BMP1: variants seen among roughly 807,000 people sequenced by gnomAD.
BMP1 encodes the protein bone morphogenetic protein 1.
BMP1 carries 63 observed loss-of-function variants against 116.8 expected under a neutral mutation model. That is an observed-to-expected ratio of 0.54 (90% CI 0.44 to 0.67). BMP1 has a LOEUF of 0.67. BMP1 is among the 30% of genes least tolerant of loss of function. The pLI is 0.00. For missense variants in BMP1, 1,183 were observed against 1,358.9 expected, an observed-to-expected ratio of 0.87 and a Z score of 2.04; for synonymous variants, 536 against 533.4, an observed-to-expected ratio of 1.00 and a Z score of -0.07.
At chr8:22,203,604 G>A in intron 16 of BMP1, among the ~76,000 whole-genome samples, 1 of 152,144 alleles carries the variant, frequency 6.6e-6, no homozygotes, top group East Asian at 1.9e-4. Flanking sequence ...AGGGTACTAA[G>A]CTTTATAGAC....
Position 22,196,750 on chromosome 8 carries a change from C to T in BMP1, c.1836C>T (p.Pro612=). The change falls in exon 14 of 20, where the codon CCC becomes CCT. Residue 612 remains proline, a synonymous_variant. Coordinates refer to ENST00000306385, the MANE Select transcript of BMP1 (RefSeq NM_006129.5). ...GCCCGGGCTGGCCCAAGGAGTACCC[C>T]CCCAACAAGAACTGCATCTGGCAGC... The part of the protein sequence containing the change: ...ITSPGWPKEY[P]PNKNCIWQLV... 1 of 1,614,074 alleles carries T rather than the reference C, an allele frequency of 6.2e-7. No homozygotes were observed.
chr8:22,190,469 G>A (rs1828899432), intron 8 of BMP1, among the ~76,000 whole-genome samples: 1 of 152,176 alleles, frequency 6.6e-6, no homozygotes, highest in Non-Finnish European at 1.5e-5. Context: ...CGGAAAGGCT[G>A]GAAACTGAAT....
chr8:22,183,690 T>C (rs1828688490), intron 8 of BMP1, among the ~76,000 whole-genome samples: 1 of 151,960 alleles, frequency 6.6e-6, no homozygotes, highest in Admixed American at 6.6e-5. Flanking sequence ...CACCGCAACC[T>C]CCTCAGCCTC....
chr8:22,201,967 CCTGCTG>C (rs1563275239), intron 16 of BMP1, 39 bp downstream of exon 16: 1 of 1,584,050 alleles, frequency 6.3e-7, no homozygotes, highest in African/African-American at 1.3e-5. Context: ...GCTTGAAGGA[CCTGCTG>C]CTGGGAGTGG....
chr8:22,172,063 A>AGT (rs376623861), intron 1 of BMP1, among the ~76,000 whole-genome samples: 4 of 152,024 alleles, frequency 2.6e-5, no homozygotes, highest in South Asian at 2.1e-4. Context: ...TGATGAAGTC[A>AGT]GTGTGTGTGT....
At chr8:22,196,971 C>A in intron 14 of BMP1, 131 bp downstream of exon 14, 1 of 1,297,658 alleles carries the variant, frequency 7.7e-7, no homozygotes, top group South Asian at 1.5e-5. Flanking sequence ...AGAGACTGCT[C>A]CCAGCTCACG....
At chr8:22,198,693 T>G in intron 15 of BMP1, 1 of 166,854 alleles carries the variant, frequency 6.0e-6, no homozygotes, top group Non-Finnish European at 1.3e-5. Flanking sequence ...TCGCCCAGGG[T>G]CCTGCATCCT....
intron 16 of BMP1, among the ~76,000 whole-genome samples, chr8:22,204,737 GCC>G (rs367545402): frequency 2.0e-4 from 11 of 55,414 alleles, no homozygotes; most frequent in Admixed American, 5.1e-4. Context: ...CACCCCGCCC[GCC>G]CCCGCAAAAA....
At chr8:22,171,198 C>G (rs1017791834) in intron 1 of BMP1, 2 of 152,226 alleles carry the variant, frequency 1.3e-5, no homozygotes, top group Non-Finnish European at 2.9e-5. Context: ...GATTTGGGGT[C>G]ACTTACTGGC....
intron 16 of BMP1, among the ~76,000 whole-genome samples, chr8:22,204,144 T>A (rs893679228): frequency 6.6e-6 from 1 of 151,988 alleles, no homozygotes; most frequent in Non-Finnish European, 1.5e-5. Flanking sequence ...GGGAGAGACA[T>A]GGGCGTGCAA....
chr8:22,169,639 G>A lies in BMP1; in HGVS notation c.149-3963G>A, dbSNP rs546191919. 1.1e-4 allele frequency: 16 copies of A among 152,374 alleles called. No homozygotes were observed. In the East Asian group the frequency reaches 2.1e-3, roughly 20 times the overall value. 9.4% of individuals were successfully genotyped at this position (152,374 alleles called of 1,614,324 possible). On this transcript the variant is annotated intron_variant, in intron 1 of 19. Coordinates refer to ENST00000306385, the MANE Select transcript of BMP1 (RefSeq NM_006129.5). ...CATCCACATGTTTGCAGGGGTTTGA[G>A]TGTGTCATCCCCCAGCTAGAAGCTT...
chr8:22,175,411 C>A (rs1004872753), intron 2 of BMP1, among the ~76,000 whole-genome samples: 2 of 152,086 alleles, frequency 1.3e-5, no homozygotes, highest in African/African-American at 4.8e-5. Context: ...TTCTCTTTTA[C>A]GATTATTGTC....
intron 1 of BMP1, among the ~76,000 whole-genome samples, chr8:22,166,516 T>C (rs1023951387): frequency 2.6e-5 from 4 of 152,210 alleles, no homozygotes; most frequent in African/African-American, 9.6e-5. Flanking sequence ...GGCAGGCTGT[T>C]TGGGGACACA....
intron 8 of BMP1, 78 bp downstream of exon 8, chr8:22,180,561 G>T (rs1003509283): frequency 4.5e-6 from 6 of 1,323,844 alleles, no homozygotes; most frequent in African/African-American, 1.5e-5. Context: ...CACAGTGGGG[G>T]TCAATATGGG....
intron 16 of BMP1, among the ~76,000 whole-genome samples, chr8:22,204,738 C>A (rs1239011471): frequency 1.3e-5 from 2 of 150,814 alleles, no homozygotes; most frequent in African/African-American, 4.9e-5. Context: ...ACCCCGCCCG[C>A]CCCCGCAAAA....
intron 1 of BMP1, chr8:22,169,541 C>T (rs1032150520): frequency 6.6e-6 from 1 of 152,276 alleles, no homozygotes; most frequent in Non-Finnish European, 1.5e-5. Flanking sequence ...CACCTGTGAT[C>T]GGTCTTCCTG....
intron 18 of BMP1, 152 bp from the exon 19 acceptor site, chr8:22,209,293 T>C (rs976321112): frequency 8.4e-6 from 11 of 1,303,674 alleles, no homozygotes; most frequent in Admixed American, 8.2e-5. Flanking sequence ...AGCACAGCAA[T>C]GTTCTGGGCC....
intron 8 of BMP1, among the ~76,000 whole-genome samples, chr8:22,187,248 C>T (rs1412085556): frequency 1.3e-5 from 2 of 152,034 alleles, no homozygotes; most frequent in Non-Finnish European, 2.9e-5. Context: ...GCCTGGGCCT[C>T]CCAAAGTGTT....
chr8:22,196,316 G>GC lies in BMP1; in HGVS notation c.1766-359dup, dbSNP rs144583702. ...CAGCTCACTAGGCCGATCCTGCTGT[G>GC]CCCCCGAGCTGCTCCCTTTCCTGCA... On this transcript the variant is annotated intron_variant, in intron 13 of 19. Transcript: ENST00000306385. 7.1e-4 allele frequency: 402 copies of GC among 567,290 alleles called. 1 individual carries two copies. The highest frequency in any genetic ancestry group is 1.1e-3 in the Non-Finnish European group (321 of 292,770). The allele number at this position is 567,290 out of a possible 1,614,324, so 35.1% of individuals were successfully genotyped here.
Sources: allele counts gnomAD v4.1 joint callset (sites outside exome capture counted in the v4.1 genomes callset), GRCh38; gene constraint gnomAD v4.1.1; transcripts MANE v1.5; gene names NCBI Gene and HGNC (gene_info 2026-07-23, HGNC 2026-07-21).